Variants in TENT4A observed in about 807,000 individuals in gnomAD.
The protein encoded by TENT4A is terminal nucleotidyltransferase 4A, also known as DNA polymerase kappa.
TENT4A carries 7 observed loss-of-function variants against 72.8 expected under a neutral mutation model. The observed-to-expected ratio is 0.10, with a 90% CI of 0.05 to 0.18. The LOEUF (loss-of-function observed/expected upper bound fraction) is 0.18, where lower values mean the gene tolerates loss of function less well. Among genes scored for constraint, TENT4A ranks in the 10% least tolerant of loss-of-function variants. TENT4A has a pLI of 1.00. For synonymous variants in TENT4A, 456 were observed against 434.3 expected (o/e 1.05, Z -0.62); for missense variants, 831 against 1,017.7 (o/e 0.82, Z 2.50).
intron 6 of TENT4A, among the ~76,000 whole-genome samples, chr5:6,745,391 C>T (rs1406905759): frequency 2.0e-5 from 3 of 152,196 alleles, no homozygotes; most frequent in Non-Finnish European, 2.9e-5. Context: ...CCATCCCTTT[C>T]GAGTTGGCAC....
At chr5:6,736,467 T>G (rs1030130275) in intron 1 of TENT4A, among the ~76,000 whole-genome samples, 10 of 152,234 alleles carry the variant, frequency 6.6e-5, no homozygotes, top group Admixed American at 3.3e-4. Flanking sequence ...ACAGGCGAGT[T>G]TGATTTGTTA....
At chr5:6,717,390 C>T (rs1026015042) in intron 1 of TENT4A, among the ~76,000 whole-genome samples, 3 of 152,252 alleles carry the variant, frequency 2.0e-5, no homozygotes, top group African/African-American at 7.2e-5. Context: ...TGCTGTGGAG[C>T]ATTGGCTGAA....
chr5:6,731,710 C>T (rs1213581563), intron 1 of TENT4A, among the ~76,000 whole-genome samples: 1 of 152,122 alleles, frequency 6.6e-6, no homozygotes, highest in East Asian at 1.9e-4. Flanking sequence ...TGGCTTGAAA[C>T]TTCTTGTAAC....
intron 1 of TENT4A, among the ~76,000 whole-genome samples, chr5:6,727,335 G>A (rs938913911): frequency 6.6e-6 from 1 of 152,210 alleles, no homozygotes; most frequent in African/African-American, 2.4e-5. Flanking sequence ...CAGGCCGAGG[G>A]CCTGGCGTCT....
At position 6,746,205 on chromosome 5, in the gene TENT4A, C is replaced by T. The variant is rs1484779537; in HGVS notation, c.1246-9C>T. The T allele has an allele frequency of 6.2e-7, 1 of 1,614,110 alleles. No individual in the cohort carries two copies. The highest frequency in any genetic ancestry group is 8.5e-7 in the Non-Finnish European group (1 of 1,180,004). ...ATCCATACAAATTGTGGGTGCATTGCTTTTACAGTTGCATCCAAGAATTGA... is the reference window on the plus strand; with the variant it reads ...ATCCATACAAATTGTGGGTGCATTGTTTTTACAGTTGCATCCAAGAATTGA... On this transcript the variant is annotated splice_polypyrimidine_tract_variant and intron_variant, in intron 6 of 12. Transcript: ENST00000230859.
In TENT4A at chr5:6,714,622, AG is replaced by A; in HGVS notation, c.644del (p.Gly215AlafsTer30). 1.7e-6 allele frequency: 2 copies of A among 1,197,608 alleles called. No homozygotes were observed. Among genetic ancestry groups the A allele is most frequent in the South Asian group, 4.2e-5 (1 of 24,094 alleles). 74.2% of individuals were successfully genotyped at this position (1,197,608 alleles called of 1,614,324 possible). A position where few individuals can be genotyped will look rare whatever the true frequency, so the allele number is the denominator to read the frequency against. ...SGSRAAALSG[G>X]GGPGAQAPRP... ...GCAGCCGCGCGGCCGCTCTCAGCGG[AG>A]GGGGCGGCCCCGGGGCCCAGGCGCC... On this transcript the variant is annotated frameshift_variant, in exon 1 of 13. Transcript: ENST00000230859. LOFTEE classifies it high-confidence loss of function.
At position 6,750,391 on chromosome 5, in the gene TENT4A, G is replaced by A. The variant is rs1178595221; in HGVS notation, c.1748G>A (p.Arg583Gln). ...TGCAATGGGGAGCAGACGCAGAACC[G>A]AGAGCCCGAGTCTCCCTATGGCCAG... The part of the protein sequence containing the change: ...ATCNGEQTQN[R>Q]EPESPYGQRL... Residue 583 changes from arginine to glutamine, a missense_variant, in exon 10 of 13, where the codon CGA becomes CAA. Physicochemically the swap from Arg to Gln is conservative, Grantham distance 43 (BLOSUM62 1). Transcript: ENST00000230859. The A allele has an allele frequency of 2.5e-6, 4 of 1,613,104 alleles. No homozygotes were observed. The highest frequency in any genetic ancestry group is 2.5e-6 in the Non-Finnish European group (3 of 1,179,570).
intron 5 of TENT4A, among the ~76,000 whole-genome samples, 181 bp downstream of exon 5, chr5:6,742,778 T>C (rs549619608): frequency 6.6e-6 from 1 of 152,366 alleles, no homozygotes; most frequent in South Asian, 2.1e-4. Flanking sequence ...CATAGCTGTT[T>C]TTAAAATTTG....
Position 6,749,638 on chromosome 5 carries a change from C to A in TENT4A, c.1668C>A (p.Ala556=), listed in dbSNP as rs578074048. ...TCAAAGAGAAGTGGGGCAGCAAAGCCCACCCGTCGCCAGGCATGGGTGAGA... is the reference window on the plus strand; with the variant it reads ...TCAAAGAGAAGTGGGGCAGCAAAGCACACCCGTCGCCAGGCATGGGTGAGA... ...RWIKEKWGSK[A]HPSPGMDSRI... Residue 556 remains alanine (A), a synonymous_variant, in exon 9 of 13, where the codon GCC becomes GCA. Coordinates refer to ENST00000230859, the MANE Select transcript of TENT4A (RefSeq NM_006999.6). The A allele has an allele frequency of 6.2e-7, 1 of 1,612,118 alleles. No individual in the cohort carries two copies. The highest frequency in any genetic ancestry group is 1.1e-5 in the South Asian group (1 of 91,034).
At chr5:6,726,618 A>C (rs2126609805) in intron 1 of TENT4A, among the ~76,000 whole-genome samples, 1 of 152,204 alleles carries the variant, frequency 6.6e-6, no homozygotes, top group East Asian at 1.9e-4. Context: ...GGTCCCAAAT[A>C]GCTGATTGGG....
chr5:6,730,431 C>G (rs897161918), intron 1 of TENT4A, among the ~76,000 whole-genome samples: 1 of 152,146 alleles, frequency 6.6e-6, no homozygotes, highest in African/African-American at 2.4e-5. Context: ...CCTTTTTCAC[C>G]GAGTTAGCAT....
intron 1 of TENT4A, among the ~76,000 whole-genome samples, chr5:6,730,577 G>C (rs576007789): frequency 1.3e-5 from 2 of 152,084 alleles, no homozygotes; most frequent in South Asian, 4.2e-4. Context: ...CCCCTTACAC[G>C]TGAGCCTGCA....
chr5:6,725,059 C>T (rs274711), intron 1 of TENT4A, among the ~76,000 whole-genome samples: 91,138 of 152,170 alleles, frequency 0.6, 27,892 homozygotes, highest in Middle Eastern at 0.69. Context: ...CAATGGCTCA[C>T]GCCTGTAATC....
chr5:6,734,565 C>T lies in TENT4A; in HGVS notation c.717-2945C>T, dbSNP rs367669967. Among the ~76,000 whole-genome samples the T allele has an allele frequency of 2.6e-4, 39 of 152,390 alleles. No individual in the cohort carries two copies. The South Asian group carries it at 7.9e-3, about 31-fold the overall frequency. On this transcript the variant is annotated intron_variant, in intron 1 of 12. Coordinates refer to ENST00000230859, the MANE Select transcript of TENT4A (RefSeq NM_006999.6). Reference sequence around the variant, plus strand: ...ATCCAAGAGGCATGGATGGCCGGGCCCCCGGCAGTTTCCATTCTATTCTGA... The same window carrying T: ...ATCCAAGAGGCATGGATGGCCGGGCTCCCGGCAGTTTCCATTCTATTCTGA...
At chr5:6,724,436 C>T (rs960962841) in intron 1 of TENT4A, among the ~76,000 whole-genome samples, 1 of 152,056 alleles carries the variant, frequency 6.6e-6, no homozygotes, top group Non-Finnish European at 1.5e-5. Context: ...CAAAGGAATT[C>T]TAAAGTGTCA....
chr5:6,745,932 T>G, intron 6 of TENT4A: 2 of 904,706 alleles, frequency 2.2e-6, no homozygotes, highest in Non-Finnish European at 3.0e-6. Flanking sequence ...TTTGCCCATA[T>G]TTGGTTAATC....
intron 9 of TENT4A, 92 bp from the exon 10 acceptor site, chr5:6,750,239 C>A: frequency 9.5e-7 from 1 of 1,049,912 alleles, no homozygotes; most frequent in Non-Finnish European, 1.4e-6. Context: ...TAGCAGCGTT[C>A]CCGGCTCAGC....
rs1740225584 is a variant in TENT4A, at chr5:6,713,941, TCGGGGCGGGCGGGCGCGCGGGCCCCG to T, written c.-37_-12del. 1 of 836,240 alleles carries T rather than the reference TCGGGGCGGGCGGGCGCGCGGGCCCCG, an allele frequency of 1.2e-6. No individual in the cohort carries two copies. The highest frequency in any genetic ancestry group is 5.3e-5 in the South Asian group (1 of 18,862). 51.8% of individuals were successfully genotyped at this position (836,240 alleles called of 1,614,324 possible). On this transcript the variant is annotated 5_prime_UTR_variant, in exon 1 of 13. Transcript: ENST00000230859. Reference sequence around the variant, plus strand: ...GGGGCGCGGCGGGGGCGGGGCCGCGTCGGGGCGGGCGGGCGCGCGGGCCCCGCGGGGGCGGCGCGTGGATGGATCCG... The same window carrying T: ...GGGGCGCGGCGGGGGCGGGGCCGCGTCGGGGGCGGCGCGTGGATGGATCCG...
At chr5:6,752,645 G>A (rs910192892) in intron 11 of TENT4A, among the ~76,000 whole-genome samples, 3 of 152,238 alleles carry the variant, frequency 2.0e-5, no homozygotes, top group Admixed American at 6.5e-5. Flanking sequence ...CAAACTTTAT[G>A]ACTTGGATTA....
Sources: gnomAD v4.1 joint callset for allele counts (sites outside exome capture counted in the v4.1 genomes callset) on GRCh38, gnomAD v4.1.1 for gene constraint, MANE v1.5 for transcripts, NCBI Gene and HGNC (gene_info 2026-07-23, HGNC 2026-07-21) for gene names.